Variants in SNTA1 observed in about 807,000 individuals in gnomAD.
SNTA1 encodes the protein alpha-1-syntrophin.
A neutral mutation model predicts 47.1 loss-of-function variants in SNTA1; 31 were observed. The ratio of observed to expected loss-of-function variants is 0.66; its 90% CI spans 0.49 to 0.89. The LOEUF (loss-of-function observed/expected upper bound fraction) is 0.89, where lower values mean the gene tolerates loss of function less well. Among genes scored for constraint, SNTA1 ranks in the 40% least tolerant of loss-of-function variants. The probability of loss-of-function intolerance (pLI) is 0.00; values close to 1 mark genes in which losing one functional copy is unlikely to be tolerated. For synonymous variants in SNTA1, 300 were observed against 313.6 expected, an observed-to-expected ratio of 0.96 and a Z score of 0.46; for missense variants, 575 against 693.0, an observed-to-expected ratio of 0.83 and a Z score of 1.91.
At chr20:33,437,903 C>A (rs942580776) in intron 2 of SNTA1, among the ~76,000 whole-genome samples, 1 of 152,240 alleles carries the variant, frequency 6.6e-6, no homozygotes, top group Non-Finnish European at 1.5e-5. Context: ...GGGTCCCACC[C>A]AAGACCACAC....
intron 6 of SNTA1, among the ~76,000 whole-genome samples, 168 bp from the exon 7 acceptor site, chr20:33,409,056 C>T (rs1367160931): frequency 6.6e-6 from 1 of 151,770 alleles, no homozygotes; most frequent in African/African-American, 2.4e-5. Context: ...GTCATCACCC[C>T]CACCCTCAGA....
intron 3 of SNTA1, among the ~76,000 whole-genome samples, chr20:33,415,778 A>G (rs137884258): frequency 1.1e-3 from 160 of 149,204 alleles, no homozygotes; most frequent in African/African-American, 3.7e-3. Flanking sequence ...CTGGCAACAG[A>G]GAAGACTCTG....
chr20:33,410,507 C>T (rs1057126280), intron 5 of SNTA1, among the ~76,000 whole-genome samples, 176 bp from the exon 6 acceptor site: 2 of 152,234 alleles, frequency 1.3e-5, no homozygotes, highest in Admixed American at 6.5e-5. Context: ...CCACCCTCCC[C>T]GTCACTCCCT....
chr20:33,435,792 G>A (rs1362628501), intron 2 of SNTA1, among the ~76,000 whole-genome samples: 1 of 152,182 alleles, frequency 6.6e-6, no homozygotes, highest in Admixed American at 6.6e-5. Context: ...GGGAAGGCTT[G>A]AGTATTCACT....
chr20:33,440,772 C>T (rs1183625381), intron 1 of SNTA1, among the ~76,000 whole-genome samples: 4 of 152,226 alleles, frequency 2.6e-5, no homozygotes, highest in Non-Finnish European at 4.4e-5. Context: ...GAGCCGAGAT[C>T]GCACCACTGC....
rs1000689948 is a variant in SNTA1 at position 33,443,171 on chromosome 20, T to G, written c.310+140A>C. ...TCCAACCTTGGTGTGCCCAGTGCCC[T>G]CCGTTACCTGTTTCCTCAGACCCCC... On this transcript the variant is annotated intron_variant, in intron 1 of 7. Coordinates refer to ENST00000217381, the MANE Select transcript of SNTA1 (RefSeq NM_003098.3). The G allele has an allele frequency of 5.5e-6, 3 of 545,980 alleles. No individual in the cohort carries two copies. The African/African-American group carries it at 6.1e-5, about 11-fold the overall frequency. 33.8% of individuals were successfully genotyped at this position (545,980 alleles called of 1,614,324 possible). A position where few individuals can be genotyped will look rare whatever the true frequency, so the allele number is the denominator to read the frequency against.
At chr20:33,437,952 C>T (rs749664079) in intron 2 of SNTA1, among the ~76,000 whole-genome samples, 4 of 152,238 alleles carry the variant, frequency 2.6e-5, no homozygotes, top group Non-Finnish European at 5.9e-5. Flanking sequence ...AACCAAGGTT[C>T]CTCCACAAAA....
chr20:33,422,236 C>T (rs890322331), intron 2 of SNTA1, among the ~76,000 whole-genome samples: 4 of 151,406 alleles, frequency 2.6e-5, no homozygotes, highest in East Asian at 2.0e-4. Context: ...GTCAGGAGAT[C>T]GAGACCATCT....
intron 2 of SNTA1, among the ~76,000 whole-genome samples, chr20:33,423,175 T>A (rs761196856): frequency 3.3e-5 from 5 of 152,084 alleles, no homozygotes; most frequent in Non-Finnish European, 5.9e-5. Flanking sequence ...TGGGTCCCCC[T>A]CCTTTCCCAC....
intron 2 of SNTA1, among the ~76,000 whole-genome samples, chr20:33,432,611 C>T (rs1410654178): frequency 6.6e-6 from 1 of 152,182 alleles, no homozygotes; most frequent in Non-Finnish European, 1.5e-5. Flanking sequence ...CGCAGTGGCT[C>T]ATGCCTGTAA....
Position 33,408,422 on chromosome 20 carries a change from C to T in SNTA1, c.*85G>A. On this transcript the variant is annotated 3_prime_UTR_variant, in exon 8 of 8. Coordinates refer to ENST00000217381, the MANE Select transcript of SNTA1 (RefSeq NM_003098.3). ...TTCCTCTCCTCTCCCTTCCCTCAGC[C>T]CAGGGGTGAGCAGGCAGTCGGTGGA... The T allele has an allele frequency of 4.1e-6, 4 of 973,188 alleles. No individual in the cohort carries two copies. Among genetic ancestry groups the T allele is most frequent in the Non-Finnish European group, 6.6e-6 (4 of 607,364 alleles). The allele number at this position is 973,188 out of a possible 1,614,324, so 60.3% of individuals were successfully genotyped here. A position where few individuals can be genotyped will look rare whatever the true frequency, so the allele number is the denominator to read the frequency against.
At chr20:33,419,857 TCTC>T (rs1328743889) in intron 2 of SNTA1, among the ~76,000 whole-genome samples, 1 of 152,114 alleles carries the variant, frequency 6.6e-6, no homozygotes, top group Non-Finnish European at 1.5e-5. Context: ...GCCTTCCTTT[TCTC>T]CTCCTTTAGC....
In SNTA1 at chr20:33,407,969, C is replaced by A; in HGVS notation, c.*538G>T. The A allele has an allele frequency of 5.0e-6, 1 of 200,716 alleles. No individual in the cohort carries two copies. Among genetic ancestry groups the A allele is most frequent in the Non-Finnish European group, 1.0e-5 (1 of 96,438 alleles). 12.4% of individuals were successfully genotyped at this position (200,716 alleles called of 1,614,324 possible). ...CACAGACCACATACACTGGGCCGGG[C>A]TGCCTGTGTGCTCACAGGCTGTTTA... is the stretch of plus-strand genomic sequence containing the variant. On this transcript the variant is annotated 3_prime_UTR_variant, in exon 8 of 8. Coordinates refer to ENST00000217381, the MANE Select transcript of SNTA1 (RefSeq NM_003098.3).
At chr20:33,422,832 C>T (rs1190067720) in intron 2 of SNTA1, among the ~76,000 whole-genome samples, 2 of 152,122 alleles carry the variant, frequency 1.3e-5, no homozygotes, top group African/African-American at 2.4e-5. Flanking sequence ...GCAGGACAGG[C>T]TCATTTAGCA....
chr20:33,410,378 G>T, intron 5 of SNTA1, 47 bp from the exon 6 acceptor site: 1 of 1,326,082 alleles, frequency 7.5e-7, no homozygotes, highest in Non-Finnish European at 1.1e-6. Context: ...CAGGCCGGAG[G>T]CAAATAGTTC....
In SNTA1 at chr20:33,408,051, C is replaced by A. The variant is rs927759147; in HGVS notation, c.*456G>T. 8.5e-6 allele frequency: 2 copies of A among 235,280 alleles called. No individual in the cohort carries two copies. Among genetic ancestry groups the A allele is most frequent in the African/African-American group, 4.5e-5 (2 of 44,584 alleles). The allele number at this position is 235,280 out of a possible 1,614,324, so 14.6% of individuals were successfully genotyped here. On this transcript the variant is annotated 3_prime_UTR_variant, in exon 8 of 8. Coordinates refer to ENST00000217381, the MANE Select transcript of SNTA1 (RefSeq NM_003098.3). ...ATGAAGAGAAAAACCAGACTCCCCA[C>A]GGTGGCAGGGCTGAGGGGAAAAACA...
chr20:33,411,342 C>T lies in SNTA1; in HGVS notation c.1040+954G>A, dbSNP rs539452085. Among the ~76,000 whole-genome samples the T allele has an allele frequency of 3.3e-5, 5 of 152,208 alleles. No homozygotes were observed. The East Asian group carries it at 5.8e-4, about 18-fold the overall frequency. On this transcript the variant is annotated intron_variant, in intron 5 of 7. Coordinates refer to ENST00000217381, the MANE Select transcript of SNTA1 (RefSeq NM_003098.3). ...CCACCCCCACCCCCAGTCCCACGCT[C>T]ACCCAGACACAAGCTCCAAACCTCC...
At chr20:33,431,790 G>A (rs1189996019) in intron 2 of SNTA1, among the ~76,000 whole-genome samples, 1 of 152,092 alleles carries the variant, frequency 6.6e-6, no homozygotes, top group Non-Finnish European at 1.5e-5. Context: ...AGCACAGTAG[G>A]TGCTCATGGT....
intron 2 of SNTA1, among the ~76,000 whole-genome samples, chr20:33,420,897 T>C (rs1990002254): frequency 6.6e-6 from 1 of 151,560 alleles, no homozygotes; most frequent in Non-Finnish European, 1.5e-5. Flanking sequence ...GGCAGGAGAA[T>C]TGCTTGAACC....
Sources: gnomAD v4.1 joint callset for allele counts (sites outside exome capture counted in the v4.1 genomes callset) on GRCh38, gnomAD v4.1.1 for gene constraint, MANE v1.5 for transcripts, NCBI Gene and HGNC (gene_info 2026-07-23, HGNC 2026-07-21) for gene names.